The following ATP1A2 variants were observed in gnomAD, a reference collection of about 807,000 sequenced individuals.
ATP1A2 encodes the protein ATPase Na+/K+ transporting subunit alpha 2.
A neutral mutation model predicts 113.1 loss-of-function variants in ATP1A2; 56 were observed. The ratio of observed to expected loss-of-function variants is 0.49; its 90% CI spans 0.40 to 0.62. The LOEUF (loss-of-function observed/expected upper bound fraction) is 0.62. Ranked by LOEUF, ATP1A2 falls within the 20% of genes least tolerant of loss-of-function variation. The probability of loss-of-function intolerance (pLI) is 0.00; values close to 1 mark genes in which losing one functional copy is unlikely to be tolerated. For missense variants in ATP1A2, 712 were observed against 1,357.8 expected, an observed-to-expected ratio of 0.52 and a Z score of 7.47; for synonymous variants, 490 against 526.8, an observed-to-expected ratio of 0.93 and a Z score of 0.96.
At chr1:160,118,574 C>T (rs948162655) in intron 1 of ATP1A2, among the ~76,000 whole-genome samples, 3 of 152,148 alleles carry the variant, frequency 2.0e-5, no homozygotes, top group Non-Finnish European at 4.4e-5. Context: ...GCTCGGTCTC[C>T]CCAAGAAGAT....
chr1:160,128,691 A>T lies in ATP1A2; in HGVS notation c.1057A>T (p.Asn353Tyr), dbSNP rs1454080069. The change falls in exon 9 of 23, where the codon AAC becomes TAC. Residue 353 changes from asparagine to tyrosine, a missense_variant. By Grantham distance (143) the Asn-to-Tyr change is moderately radical. Coordinates refer to ENST00000361216, the MANE Select transcript of ATP1A2 (RefSeq NM_000702.4). The stretch of plus-strand genomic sequence containing the variant: ...GACAGCCAAGCGCATGGCACGGAAG[A>T]ACTGCCTGGTGAAGAACCTGGAGGC... Reference protein sequence around the residue: ...TLTAKRMARKNCLVKNLEAVE... With the variant: ...TLTAKRMARKYCLVKNLEAVE... 6.2e-7 allele frequency: 1 copy of T among 1,614,128 alleles called. No individual in the cohort carries two copies. The highest frequency in any genetic ancestry group is 1.7e-5 in the Admixed American group (1 of 60,022).
At chr1:160,138,480 G>A (rs181927637) in intron 20 of ATP1A2, among the ~76,000 whole-genome samples, 3 of 152,298 alleles carry the variant, frequency 2.0e-5, no homozygotes, top group East Asian at 1.9e-4. Context: ...AAATAAGGAG[G>A]TCCTTAGTGA....
At chr1:160,126,285 G>A (rs1651585470) in intron 7 of ATP1A2, among the ~76,000 whole-genome samples, 1 of 152,084 alleles carries the variant, frequency 6.6e-6, no homozygotes, top group Non-Finnish European at 1.5e-5. Flanking sequence ...ATAATACCGA[G>A]TGCAATGTAA....
intron 1 of ATP1A2, among the ~76,000 whole-genome samples, chr1:160,117,742 G>A (rs1191842235): frequency 1.3e-5 from 2 of 152,240 alleles, no homozygotes; most frequent in East Asian, 1.9e-4. Context: ...GGCTGTGAAG[G>A]GCAGCGTGGG....
At chr1:160,126,019 G>A (rs561382400) in intron 7 of ATP1A2, among the ~76,000 whole-genome samples, 1 of 152,192 alleles carries the variant, frequency 6.6e-6, no homozygotes, top group African/African-American at 2.4e-5. Context: ...TAGGGCAAAG[G>A]AGGCCTCATA....
intron 7 of ATP1A2, 42 bp from the exon 8 acceptor site, chr1:160,127,510 G>A (rs1386994782): frequency 1.9e-6 from 3 of 1,613,322 alleles, no homozygotes; most frequent in Non-Finnish European, 2.5e-6. Flanking sequence ...GCAGTCCCTG[G>A]GAGCCACAAG....
intron 8 of ATP1A2, 23 bp downstream of exon 8, chr1:160,127,843 C>T (rs373771146): frequency 1.9e-5 from 30 of 1,567,784 alleles, no homozygotes; most frequent in Non-Finnish European, 2.3e-5. Context: ...GGCTGAGGTG[C>T]CACCAGGGGA....
intron 1 of ATP1A2, 53 bp downstream of exon 1, chr1:160,115,926 T>C (rs2101980101): frequency 6.3e-7 from 1 of 1,583,956 alleles, no homozygotes; most frequent in Non-Finnish European, 8.6e-7. Flanking sequence ...GGGAGGCTGC[T>C]GAGGAAGGAT....
rs114878040 is a variant in ATP1A2, at chr1:160,140,794, C to T, written c.3035-500C>T. Reference sequence around the variant, plus strand: ...CTAAAGGCAGGTTCACCCTCCCTTCCTTTAACCTATGGCCCCAGCTCACTG... The same window carrying T: ...CTAAAGGCAGGTTCACCCTCCCTTCTTTTAACCTATGGCCCCAGCTCACTG... On this transcript the variant is annotated intron_variant, in intron 22 of 22. Transcript: ENST00000361216. 7.4e-3 allele frequency: 1,421 copies of T among 191,074 alleles called. 13 individuals are homozygous for T. The highest frequency in any genetic ancestry group is 0.012 in the Non-Finnish European group (1,072 of 92,868). The allele number at this position is 191,074 out of a possible 1,614,324, so 11.8% of individuals were successfully genotyped here.
At chr1:160,138,510 T>A (rs534380758) in intron 20 of ATP1A2, among the ~76,000 whole-genome samples, 4 of 152,336 alleles carry the variant, frequency 2.6e-5, no homozygotes, top group South Asian at 2.1e-4. Flanking sequence ...TGGAAATCAC[T>A]GGCTTGAACC....
rs757238909 is a variant in ATP1A2, at chr1:160,136,401, C to T, written c.2563+31C>T. The T allele has an allele frequency of 5.0e-6, 8 of 1,613,400 alleles. No homozygotes were observed. In the Admixed American group the frequency reaches 5.0e-5, roughly 10 times the overall value. On this transcript the variant is annotated intron_variant, in intron 18 of 22. Coordinates refer to ENST00000361216, the MANE Select transcript of ATP1A2 (RefSeq NM_000702.4). ...CCAAGCCCCGGGCCTCGGGAGGGAA[C>T]CCCAACAGGGTTCTTTTCCCAGCTT...
chr1:160,133,118 T>A (rs1026833964), intron 13 of ATP1A2, among the ~76,000 whole-genome samples: 1 of 151,982 alleles, frequency 6.6e-6, no homozygotes, highest in African/African-American at 2.4e-5. Context: ...TCCATCCTAC[T>A]AGGCTGCCAC....
chr1:160,126,585 C>T (rs1214069863), intron 7 of ATP1A2, among the ~76,000 whole-genome samples: 1 of 152,166 alleles, frequency 6.6e-6, no homozygotes, highest in African/African-American at 2.4e-5. Flanking sequence ...TCTCCCACCT[C>T]AGCCTCCAGA....
chr1:160,123,484 G>C, intron 4 of ATP1A2, 68 bp downstream of exon 4: 1 of 1,580,134 alleles, frequency 6.3e-7, no homozygotes, highest in Non-Finnish European at 8.7e-7. Flanking sequence ...CCAACACAGT[G>C]GGGGGTGGGC....
rs1246870596 is a variant in ATP1A2 at position 160,141,740 on chromosome 1, ACTTCCACCCCCGTTAG to A, written c.*424_*439del. 1 of 253,832 alleles carries A rather than the reference ACTTCCACCCCCGTTAG, an allele frequency of 3.9e-6. No individual in the cohort carries two copies. The highest frequency in any genetic ancestry group is 7.9e-6 in the Non-Finnish European group (1 of 127,364). The allele number at this position is 253,832 out of a possible 1,614,324, so 15.7% of individuals were successfully genotyped here. ...TCACCCCAGCCTCACTCCATTTCCC[ACTTCCACCCCCGTTAG>A]CTTCCTGCAGGACTCTATCCCTGGC... On this transcript the variant is annotated 3_prime_UTR_variant, in exon 23 of 23. Coordinates refer to ENST00000361216, the MANE Select transcript of ATP1A2 (RefSeq NM_000702.4).
At chr1:160,123,073 G>T (rs1287122254) in intron 3 of ATP1A2, 140 bp from the exon 4 acceptor site, 17 of 942,260 alleles carry the variant, frequency 1.8e-5, no homozygotes, top group East Asian at 7.8e-5. Context: ...GGTCTCTCCT[G>T]ATGGTCCCCC....
chr1:160,139,965 C>A lies in ATP1A2; in HGVS notation c.3015C>A (p.Ile1005=), dbSNP rs559319269. ...IFIYDEVRKL[I]LRRYPGGWVE... ...TCTATGATGAGGTCCGAAAGCTCAT[C>A]CTGCGGCGGTATCCTGGTGGTAAGC... Residue 1005 remains isoleucine (I), a synonymous_variant, in exon 22 of 23, where the codon ATC becomes ATA. Transcript: ENST00000361216. 5.6e-6 allele frequency: 9 copies of A among 1,614,040 alleles called. No homozygotes were observed. In the South Asian group the frequency reaches 9.9e-5, roughly 18 times the overall value.
chr1:160,129,982 T>A (rs78144930), intron 11 of ATP1A2, 120 bp from the exon 12 acceptor site: 1 of 1,282,648 alleles, frequency 7.8e-7, no homozygotes, highest in African/African-American at 1.5e-5. Flanking sequence ...ATTCTCTTTG[T>A]TGACAATCTT....
intron 1 of ATP1A2, among the ~76,000 whole-genome samples, chr1:160,119,256 CAAAAAAAAA>C (rs386368465): frequency 1.6e-3 from 81 of 49,424 alleles, no homozygotes; most frequent in African/African-American, 6.1e-3. Flanking sequence ...CATTATCCTG[CAAAAAAAAA>C]AAAAAAAAAA....
Sources: allele counts gnomAD v4.1 joint callset (sites outside exome capture counted in the v4.1 genomes callset), GRCh38; gene constraint gnomAD v4.1.1; transcripts MANE v1.5; gene names NCBI Gene and HGNC (gene_info 2026-07-23, HGNC 2026-07-21).